HNRNPF: variants seen among roughly 807,000 people sequenced by gnomAD.
HNRNPF encodes heterogeneous nuclear ribonucleoprotein F, also known as HnRNP F protein.
Under a neutral mutation model 26.0 loss-of-function variants are expected in HNRNPF, and 2 were observed. The ratio of observed to expected loss-of-function variants is 0.08; its 90% CI spans 0.03 to 0.24. The LOEUF (loss-of-function observed/expected upper bound fraction) is 0.24, where lower values mean the gene tolerates loss of function less well. Among genes scored for constraint, HNRNPF ranks in the 10% least tolerant of loss-of-function variants. HNRNPF has a pLI of 1.00. For missense variants in HNRNPF, 299 were observed against 539.2 expected (o/e 0.55, Z 4.41); for synonymous variants, 234 against 211.5 (o/e 1.11, Z -0.92).
chr10:43,387,455 G>A lies in HNRNPF; in HGVS notation c.430C>T (p.Pro144Ser). The stretch of plus-strand genomic sequence containing the variant: ...GTAATCTTGCCTTCGGGGTCCACAG[G>A]CAATGTGATCCCGTTTGGCACAATT... ...LEIVPNGITL[P>S]VDPEGKITGE... The change falls in exon 4 of 4, where the codon CCT becomes TCT. Residue 144 changes from proline to serine, a missense_variant. By Grantham distance (74) the Pro-to-Ser change is moderately conservative. Transcript: ENST00000682386. The surrounding 1 kb of genome is among the most constrained non-coding windows in gnomAD (Gnocchi z 6.0). 1.2e-6 allele frequency: 2 copies of A among 1,614,204 alleles called. No homozygotes were observed. The highest frequency in any genetic ancestry group is 1.7e-6 in the Non-Finnish European group (2 of 1,180,042).
intron 1 of HNRNPF, among the ~76,000 whole-genome samples, chr10:43,406,768 C>T (rs1838932328): frequency 6.6e-6 from 1 of 152,068 alleles, no homozygotes; most frequent in South Asian, 2.1e-4. Flanking sequence ...CCTCGGCCTC[C>T]CTAAATGCTG....
rs112446660 is a variant in HNRNPF, at chr10:43,399,777, C to T, written c.-246-3187G>A. On this transcript the variant is annotated intron_variant, in intron 1 of 3. Transcript: ENST00000682386. Reference sequence around the variant, plus strand: ...CTGACTGACTCACCAAGAAATACTACGCACCTAAAAGATACAGGAACTGTA... The same window carrying T: ...CTGACTGACTCACCAAGAAATACTATGCACCTAAAAGATACAGGAACTGTA... 9.3e-4 allele frequency among the ~76,000 whole-genome samples: 142 copies of T among 152,216 alleles called. No individual in the cohort carries two copies. The Middle Eastern group carries it at 0.01, about 11-fold the overall frequency.
At chr10:43,405,211 A>G (rs1337751173) in intron 1 of HNRNPF, among the ~76,000 whole-genome samples, 1 of 152,232 alleles carries the variant, frequency 6.6e-6, no homozygotes, top group African/African-American at 2.4e-5. Flanking sequence ...AATACAATGA[A>G]TCATGTTTCC....
In HNRNPF at chr10:43,386,030, A is replaced by T. The variant is rs1165870402; in HGVS notation, c.*607T>A. On this transcript the variant is annotated 3_prime_UTR_variant, in exon 4 of 4. Transcript: ENST00000682386. ...GTAATCTGTGCCAGTCATTGTGAAAAAGTCTTTATTTTAAGAAAAAAATTT... is the reference window on the plus strand; with the variant it reads ...GTAATCTGTGCCAGTCATTGTGAAATAGTCTTTATTTTAAGAAAAAAATTT... The T allele has an allele frequency of 6.6e-6, 1 of 152,632 alleles. No individual in the cohort carries two copies. Among genetic ancestry groups the T allele is most frequent in the Non-Finnish European group, 1.5e-5 (1 of 68,044 alleles). The allele number at this position is 152,632 out of a possible 1,614,324, so 9.5% of individuals were successfully genotyped here.
At chr10:43,408,161 G>T in intron 1 of HNRNPF, among the ~76,000 whole-genome samples, 1 of 152,132 alleles carries the variant, frequency 6.6e-6, no homozygotes, top group Non-Finnish European at 1.5e-5. Context: ...GGGCTCAAGA[G>T]ATCCTCCCGG....
At chr10:43,408,131 C>T (rs1171938301) in intron 1 of HNRNPF, among the ~76,000 whole-genome samples, 2 of 152,112 alleles carry the variant, frequency 1.3e-5, no homozygotes, top group African/African-American at 4.8e-5. Context: ...CTATGTTGCC[C>T]AGGCTTGTCG....
intron 2 of HNRNPF, 23 bp from the exon 3 acceptor site, chr10:43,394,711 T>C (rs1400289434): frequency 6.6e-6 from 1 of 152,036 alleles, no homozygotes; most frequent in Non-Finnish European, 1.5e-5. Flanking sequence ...CAGAGCGATA[T>C]TGGCTGTGTG....
At chr10:43,393,108 A>G (rs1403941642) in intron 3 of HNRNPF, among the ~76,000 whole-genome samples, 1 of 152,188 alleles carries the variant, frequency 6.6e-6, no homozygotes, top group Admixed American at 6.5e-5. Flanking sequence ...TTTCCTCAGC[A>G]ATAAAGGTGC....
At chr10:43,397,763 A>G (rs1162490942) in intron 1 of HNRNPF, among the ~76,000 whole-genome samples, 4 of 152,226 alleles carry the variant, frequency 2.6e-5, no homozygotes, top group African/African-American at 4.8e-5. Context: ...TTTCGATAAT[A>G]TGATCAGTGA....
chr10:43,389,599 C>A (rs1394136784), intron 3 of HNRNPF, among the ~76,000 whole-genome samples: 1 of 152,126 alleles, frequency 6.6e-6, no homozygotes, highest in Non-Finnish European at 1.5e-5. Flanking sequence ...GTAAATCTTT[C>A]AAATTTACCT....
At chr10:43,406,138 G>A (rs968086319) in intron 1 of HNRNPF, among the ~76,000 whole-genome samples, 1 of 152,170 alleles carries the variant, frequency 6.6e-6, no homozygotes, top group Non-Finnish European at 1.5e-5. Context: ...AACTAATGTG[G>A]TTCTCCCGAA....
intron 1 of HNRNPF, among the ~76,000 whole-genome samples, chr10:43,406,215 T>A (rs1838913586): frequency 6.6e-6 from 1 of 152,178 alleles, no homozygotes; most frequent in Non-Finnish European, 1.5e-5. Flanking sequence ...AAAGGGCCTG[T>A]CACATTTCTG....
chr10:43,404,054 T>C (rs1348437825), intron 1 of HNRNPF, among the ~76,000 whole-genome samples: 1 of 151,806 alleles, frequency 6.6e-6, no homozygotes, highest in Non-Finnish European at 1.5e-5. Flanking sequence ...CCCAGCACTT[T>C]GGGAGGCCAA....
chr10:43,393,698 G>A (rs969404982), intron 3 of HNRNPF, among the ~76,000 whole-genome samples: 11 of 152,046 alleles, frequency 7.2e-5, no homozygotes, highest in African/African-American at 2.7e-4. Flanking sequence ...CTGCATCCAA[G>A]TCCTCAGTGG....
intron 1 of HNRNPF, among the ~76,000 whole-genome samples, chr10:43,402,190 G>A (rs904545266): frequency 3.9e-5 from 6 of 151,968 alleles, no homozygotes; most frequent in Non-Finnish European, 7.4e-5. Context: ...TGAATTCAAA[G>A]AAAGGAAAAC....
At chr10:43,399,078 T>C (rs79651285) in intron 1 of HNRNPF, among the ~76,000 whole-genome samples, 47 of 152,302 alleles carry the variant, frequency 3.1e-4, no homozygotes, top group Non-Finnish European at 6.0e-4. Context: ...TTGTTTGAAG[T>C]TGTCCACAAA....
chr10:43,388,937 C>T (rs181026176), intron 3 of HNRNPF, among the ~76,000 whole-genome samples: 3 of 151,124 alleles, frequency 2.0e-5, no homozygotes, highest in South Asian at 2.1e-4. Flanking sequence ...TCAAGGGTGA[C>T]GCTCAAAAAG....
intron 1 of HNRNPF, among the ~76,000 whole-genome samples, chr10:43,405,657 G>A (rs1325464110): frequency 3.5e-5 from 5 of 143,442 alleles, no homozygotes; most frequent in Admixed American, 2.7e-4. Context: ...ATTCCGTCTC[G>A]GAAAAAAAAA....
rs1838009018 is a variant in HNRNPF, at chr10:43,385,967, A to T, written c.*670T>A. The T allele has an allele frequency of 6.5e-6, 1 of 152,698 alleles. No individual in the cohort carries two copies. The highest frequency in any genetic ancestry group is 2.4e-5 in the African/African-American group (1 of 41,474). The allele number at this position is 152,698 out of a possible 1,614,324, so 9.5% of individuals were successfully genotyped here. On this transcript the variant is annotated 3_prime_UTR_variant, in exon 4 of 4. Transcript: ENST00000682386. ...ACTAAAATACATTACGATTAAAATG[A>T]ATTATCTTCAACCACCCGTTTTGCT...
Sources: allele counts gnomAD v4.1 joint callset (sites outside exome capture counted in the v4.1 genomes callset), GRCh38; gene constraint gnomAD v4.1.1; non-coding constraint Gnocchi (gnomAD v3.1); transcripts MANE v1.5; gene names NCBI Gene and HGNC (gene_info 2026-07-23, HGNC 2026-07-21).